The following CTNNA1 variants were observed in gnomAD, a reference collection of about 807,000 sequenced individuals.
CTNNA1 encodes the protein catenin alpha 1.
In CTNNA1, 37 loss-of-function variants were observed where a neutral mutation model predicts 98.4. The ratio of observed to expected loss-of-function variants is 0.38; its 90% CI spans 0.29 to 0.49. CTNNA1 has a LOEUF of 0.49. Among genes scored for constraint, CTNNA1 ranks in the 20% least tolerant of loss-of-function variants. The pLI, the probability that CTNNA1 is intolerant of heterozygous loss-of-function variation, is 0.95. For synonymous variants in CTNNA1, 404 were observed against 413.2 expected, an observed-to-expected ratio of 0.98 and a Z score of 0.27; for missense variants, 761 against 1,147.2, an observed-to-expected ratio of 0.66 and a Z score of 4.86.
At chr5:138,852,869 G>GCACA (rs201282532) in intron 7 of CTNNA1, among the ~76,000 whole-genome samples, 1 of 151,252 alleles carries the variant, frequency 6.6e-6, no homozygotes, top group Non-Finnish European at 1.5e-5. Context: ...TCGCGCGCGC[G>GCACA]CGCACACACA....
intron 7 of CTNNA1, among the ~76,000 whole-genome samples, chr5:138,838,210 A>C (rs1198581741): frequency 6.6e-6 from 1 of 152,182 alleles, no homozygotes; most frequent in Non-Finnish European, 1.5e-5. Context: ...CCAACCAATT[A>C]ATTTTTCTGA....
chr5:138,867,744 TTTC>T (rs970289367), intron 7 of CTNNA1, among the ~76,000 whole-genome samples: 1 of 133,324 alleles, frequency 7.5e-6, no homozygotes, highest in African/African-American at 3.0e-5. Flanking sequence ...ATTTTCTTTC[TTTC>T]TTTTTTTTTT....
intron 9 of CTNNA1, among the ~76,000 whole-genome samples, chr5:138,899,038 C>G (rs1561686335): frequency 6.6e-6 from 1 of 152,014 alleles, no homozygotes; most frequent in East Asian, 1.9e-4. Context: ...TCAAATCTGC[C>G]TAATTATTTT....
chr5:138,770,809 G>C (rs369534715), intron 1 of CTNNA1, among the ~76,000 whole-genome samples: 6 of 152,022 alleles, frequency 3.9e-5, no homozygotes, highest in Non-Finnish European at 8.8e-5. Flanking sequence ...AAAATTAGCC[G>C]GGCTTGGTGG....
intron 7 of CTNNA1, among the ~76,000 whole-genome samples, chr5:138,854,960 A>G (rs1429491418): frequency 1.3e-5 from 2 of 152,228 alleles, no homozygotes; most frequent in Non-Finnish European, 2.9e-5. Flanking sequence ...AGAAAAAAAT[A>G]TTGGGATTTA....
chr5:138,926,065 TCCTCCA>T (rs1763957731), intron 13 of CTNNA1, among the ~76,000 whole-genome samples: 1 of 152,208 alleles, frequency 6.6e-6, no homozygotes, highest in Admixed American at 6.5e-5. Context: ...TGTCTTGTCC[TCCTCCA>T]CCTCAACCTC....
rs145944092 is a variant in CTNNA1, at chr5:138,847,210, A to G, written c.1062+19492A>G. ...AATAGGTTTTTACTTTTTTGCTTCT[A>G]TTGGGTAGTACTTGTAGTTCAACAG... On this transcript the variant is annotated intron_variant, in intron 7 of 17. Transcript: ENST00000302763. 5.5e-3 allele frequency among the ~76,000 whole-genome samples: 844 copies of G among 152,228 alleles called. 7 individuals are homozygous for G. The highest frequency in any genetic ancestry group is 0.019 in the African/African-American group (801 of 41,542).
chr5:138,895,353 T>G (rs919728723), intron 9 of CTNNA1, among the ~76,000 whole-genome samples: 2 of 152,258 alleles, frequency 1.3e-5, no homozygotes, highest in Non-Finnish European at 2.9e-5. Context: ...GTGTAACATT[T>G]GCACAAAAGA....
At chr5:138,769,869 G>T (rs931067664) in intron 1 of CTNNA1, among the ~76,000 whole-genome samples, 10 of 151,194 alleles carry the variant, frequency 6.6e-5, no homozygotes, top group Non-Finnish European at 1.3e-4. Context: ...TTATTGAGAC[G>T]GAGTTTCGGT....
At chr5:138,803,862 G>A (rs1484570052) in intron 3 of CTNNA1, among the ~76,000 whole-genome samples, 1 of 152,120 alleles carries the variant, frequency 6.6e-6, no homozygotes, top group Non-Finnish European at 1.5e-5. Context: ...CCTGGAGCCC[G>A]GGATTTTTTC....
At chr5:138,789,188 TCC>T (rs11331872) in intron 3 of CTNNA1, among the ~76,000 whole-genome samples, 1,842 of 149,324 alleles carry the variant, frequency 0.012, 34 homozygotes, top group African/African-American at 0.043. Flanking sequence ...TTCCTGTTTT[TCC>T]CCCCCCCCAG....
At position 138,934,086 on chromosome 5, in the gene CTNNA1, C is replaced by CTAAG. The variant is rs959048286; in HGVS notation, c.2720_*2dup. On this transcript the variant is annotated frameshift_variant and stop_retained_variant, in exon 18 of 18. Coordinates refer to ENST00000302763, the MANE Select transcript of CTNNA1 (RefSeq NM_001903.5). LOFTEE classifies it high-confidence loss of function. ...GCGAGTTCAAAGCTATGGACAGCAT[C>CTAAG]TAAGTCTGCCCAGGCCGGCCGCCCC... The CTAAG allele has an allele frequency of 6.8e-6, 11 of 1,610,040 alleles. No homozygotes were observed. Among genetic ancestry groups the CTAAG allele is most frequent in the East Asian group, 2.2e-5 (1 of 44,822 alleles).
At chr5:138,864,421 T>C (rs1235755439) in intron 7 of CTNNA1, among the ~76,000 whole-genome samples, 1 of 152,218 alleles carries the variant, frequency 6.6e-6, no homozygotes, top group Admixed American at 6.5e-5. Flanking sequence ...GAAACAGTAA[T>C]AGCCTACTGT....
At chr5:138,833,678 A>T (rs959261281) in intron 7 of CTNNA1, among the ~76,000 whole-genome samples, 4 of 152,184 alleles carry the variant, frequency 2.6e-5, no homozygotes, top group African/African-American at 9.7e-5. Context: ...AGCTAAGGTG[A>T]GTAGATGAGA....
chr5:138,918,223 A>C (rs761659589), intron 11 of CTNNA1, among the ~76,000 whole-genome samples: 1 of 152,052 alleles, frequency 6.6e-6, no homozygotes. Context: ...GGACCGGTAG[A>C]ACACCAGGAC....
chr5:138,848,096 TA>T (rs1762885515), intron 7 of CTNNA1, among the ~76,000 whole-genome samples: 1 of 152,280 alleles, frequency 6.6e-6, no homozygotes. Context: ...CTACATTTAC[TA>T]ATGCATATAT....
chr5:138,924,280 T>A (rs932217540), intron 11 of CTNNA1, among the ~76,000 whole-genome samples: 1 of 133,646 alleles, frequency 7.5e-6, no homozygotes. Flanking sequence ...TTTTTATTTT[T>A]TGTTTTTTTT....
intron 1 of CTNNA1, among the ~76,000 whole-genome samples, chr5:138,759,922 C>G (rs1752127022): frequency 7.0e-6 from 1 of 142,144 alleles, no homozygotes; most frequent in African/African-American, 2.6e-5. Context: ...GGAGACTGAT[C>G]TTGGTGCTTC....
intron 1 of CTNNA1, among the ~76,000 whole-genome samples, chr5:138,771,012 C>T (rs966470761): frequency 1.2e-4 from 18 of 151,858 alleles, no homozygotes; most frequent in African/African-American, 4.3e-4. Flanking sequence ...AAGGACCCTA[C>T]TTAATTCCAT....
Sources: gnomAD v4.1 joint callset for allele counts (sites outside exome capture counted in the v4.1 genomes callset) on GRCh38, gnomAD v4.1.1 for gene constraint, MANE v1.5 for transcripts, NCBI Gene and HGNC (gene_info 2026-07-23, HGNC 2026-07-21) for gene names.